The following TRPC6 variants were observed in gnomAD, a reference collection of about 807,000 sequenced individuals.
The protein encoded by TRPC6 is transient receptor potential cation channel subfamily C member 6, also known as short transient receptor potential channel 6.
Under a neutral mutation model 90.7 loss-of-function variants are expected in TRPC6, and 55 were observed. That is an observed-to-expected ratio of 0.61 (90% CI 0.49 to 0.76). The LOEUF is 0.76. TRPC6 is among the 30% of genes least tolerant of loss of function. The pLI, the probability that TRPC6 is intolerant of heterozygous loss-of-function variation, is 0.00. For missense variants in TRPC6, 989 were observed against 1,122.7 expected, an observed-to-expected ratio of 0.88 and a Z score of 1.70; for synonymous variants, 393 against 393.0, an observed-to-expected ratio of 1.00 and a Z score of 0.00.
At chr11:101,494,758 C>T (rs1859905548) in intron 2 of TRPC6, among the ~76,000 whole-genome samples, 1 of 152,056 alleles carries the variant, frequency 6.6e-6, no homozygotes, top group South Asian at 2.1e-4. Flanking sequence ...TATTTAATAA[C>T]CTTAATCTAT....
At chr11:101,564,745 G>A (rs1356947872) in intron 1 of TRPC6, among the ~76,000 whole-genome samples, 1 of 151,962 alleles carries the variant, frequency 6.6e-6, no homozygotes, top group Admixed American at 6.6e-5. Context: ...AACAACAAGA[G>A]AATCCAAACA....
intron 4 of TRPC6, among the ~76,000 whole-genome samples, chr11:101,487,739 G>A (rs1172232967): frequency 6.6e-6 from 1 of 152,024 alleles, no homozygotes; most frequent in African/African-American, 2.4e-5. Flanking sequence ...ATGAATCTGA[G>A]ATACCAAATT....
At position 101,583,836 on chromosome 11, in the gene TRPC6, C is replaced by G. The variant is rs1414771022; in HGVS notation, c.-333G>C. The G allele has an allele frequency of 3.5e-6, 1 of 287,990 alleles. No individual in the cohort carries two copies. Among genetic ancestry groups the G allele is most frequent in the African/African-American group, 2.2e-5 (1 of 45,946 alleles). The allele number at this position is 287,990 out of a possible 1,614,324, so 17.8% of individuals were successfully genotyped here. On this transcript the variant is annotated 5_prime_UTR_variant, in exon 1 of 13. Transcript: ENST00000344327. ...GGTAGCGAAGCGTAAGAGCGGAGAG[C>G]AAGGGAGACGGAGCTGAAGAGTTAC...
intron 1 of TRPC6, among the ~76,000 whole-genome samples, chr11:101,548,268 T>C (rs1861359092): frequency 7.1e-6 from 1 of 140,118 alleles, no homozygotes; most frequent in South Asian, 2.1e-4. Context: ...TATACATATA[T>C]ATATAATTTA....
intron 11 of TRPC6, among the ~76,000 whole-genome samples, chr11:101,454,286 T>A (rs1193057639): frequency 5.3e-5 from 8 of 152,128 alleles, no homozygotes; most frequent in African/African-American, 1.9e-4. Flanking sequence ...GCTCAGAAAG[T>A]CTTGATGGAT....
intron 4 of TRPC6, among the ~76,000 whole-genome samples, 178 bp from the exon 5 acceptor site, chr11:101,483,343 C>T (rs1300424811): frequency 2.0e-5 from 3 of 152,086 alleles, no homozygotes; most frequent in South Asian, 2.1e-4. Flanking sequence ...ATTTTGTTCA[C>T]GTTCCTCACC....
chr11:101,526,390 C>G (rs530626688), intron 1 of TRPC6, among the ~76,000 whole-genome samples: 16 of 152,256 alleles, frequency 1.1e-4, no homozygotes, highest in Non-Finnish European at 2.2e-4. Context: ...ATGCTTTGAA[C>G]TTAAAAAAAT....
chr11:101,481,019 A>C (rs746241193), intron 5 of TRPC6, among the ~76,000 whole-genome samples: 17 of 152,356 alleles, frequency 1.1e-4, no homozygotes, highest in Middle Eastern at 3.4e-3. Context: ...TTTTTCCCTA[A>C]AACATATTCA....
intron 1 of TRPC6, among the ~76,000 whole-genome samples, chr11:101,556,610 G>T (rs1242216149): frequency 6.6e-6 from 1 of 152,114 alleles, no homozygotes; most frequent in East Asian, 1.9e-4. Flanking sequence ...CTTCACAGCT[G>T]AATTCTACCA....
chr11:101,480,415 C>G (rs1488762934), intron 5 of TRPC6, among the ~76,000 whole-genome samples: 1 of 152,108 alleles, frequency 6.6e-6, no homozygotes, highest in Non-Finnish European at 1.5e-5. Context: ...CTCCTCCCTT[C>G]TGATGTGCAG....
chr11:101,463,428 C>T (rs181816036), intron 10 of TRPC6, among the ~76,000 whole-genome samples: 31 of 152,272 alleles, frequency 2.0e-4, no homozygotes, highest in Non-Finnish European at 3.5e-4. Context: ...GGCTATGAAT[C>T]TATCTGGTCC....
intron 1 of TRPC6, among the ~76,000 whole-genome samples, chr11:101,538,493 T>C (rs1266220436): frequency 1.3e-5 from 2 of 152,146 alleles, no homozygotes; most frequent in Admixed American, 6.5e-5. Flanking sequence ...CTGAATGGTC[T>C]CCCAAAGATG....
At position 101,544,880 on chromosome 11, in the gene TRPC6, A is replaced by T. The variant is rs974536970; in HGVS notation, c.170+38454T>A. Reference sequence around the variant, plus strand: ...ATACCCCAGAACTTAAAGTATAATTAAAAAAAATGTTTGTTCAGTGGTCTT... The same window carrying T: ...ATACCCCAGAACTTAAAGTATAATTTAAAAAAATGTTTGTTCAGTGGTCTT... On this transcript the variant is annotated intron_variant, in intron 1 of 12. Coordinates refer to ENST00000344327, the MANE Select transcript of TRPC6 (RefSeq NM_004621.6). Among the ~76,000 whole-genome samples the T allele has an allele frequency of 5.3e-5, 8 of 151,910 alleles. No individual in the cohort carries two copies. In the South Asian group the frequency reaches 6.2e-4, roughly 12 times the overall value.
At position 101,504,378 on chromosome 11, in the gene TRPC6, G is replaced by T; in HGVS notation, c.591C>A (p.Ser197Arg). Residue 197 changes from serine to arginine, a missense_variant, in exon 2 of 13, where the codon AGC becomes AGA. Coordinates refer to ENST00000344327, the MANE Select transcript of TRPC6 (RefSeq NM_004621.6). ...AEGKRLATSPSQSELQQDDFY... is the reference protein window; with the variant it reads ...AEGKRLATSPRQSELQQDDFY... The stretch of plus-strand genomic sequence containing the variant: ...AATCATCTTGCTGGAGTTCAGACTG[G>T]CTAGGGCTGGTTGCTAACCTCTTGC... 1 of 1,614,036 alleles carries T rather than the reference G, an allele frequency of 6.2e-7. No individual in the cohort carries two copies. Among genetic ancestry groups the T allele is most frequent in the Non-Finnish European group, 8.5e-7 (1 of 1,180,008 alleles).
intron 1 of TRPC6, among the ~76,000 whole-genome samples, chr11:101,562,995 G>T (rs1208274460): frequency 6.6e-6 from 1 of 152,174 alleles, no homozygotes; most frequent in Admixed American, 6.5e-5. Flanking sequence ...TCTTCTGCCA[G>T]TAATCTGGAA....
Position 101,452,975 on chromosome 11 carries a change from G to T in TRPC6, c.2776C>A (p.Gln926Lys). ...TCGCATTATCTATTGGTTTCCTCTT[G>T]ATTTGGTTCCATGGATAATTTCTCT... ...LGEKLSMEPN[Q>K]EETNR The change falls in exon 13 of 13, where the codon CAA (glutamine) becomes AAA (lysine). Residue 926 changes from glutamine to lysine, a missense_variant. Coordinates refer to ENST00000344327, the MANE Select transcript of TRPC6 (RefSeq NM_004621.6). 6.2e-7 allele frequency: 1 copy of T among 1,613,860 alleles called. No homozygotes were observed. Among genetic ancestry groups the T allele is most frequent in the Admixed American group, 1.7e-5 (1 of 60,008 alleles).
In TRPC6 at chr11:101,573,921, C is replaced by T. The variant is rs536238883; in HGVS notation, c.170+9413G>A. Among the ~76,000 whole-genome samples the T allele has an allele frequency of 2.9e-4, 38 of 132,064 alleles. 1 individual carries two copies. The highest frequency in any genetic ancestry group is 8.7e-4 in the African/African-American group (30 of 34,644). The allele number at this position is 132,064 out of a possible 152,430, so 86.6% of individuals were successfully genotyped here. A position where few individuals can be genotyped will look rare whatever the true frequency, so the allele number is the denominator to read the frequency against. On this transcript the variant is annotated intron_variant, in intron 1 of 12. Coordinates refer to ENST00000344327, the MANE Select transcript of TRPC6 (RefSeq NM_004621.6). ...TCCTTTCAAGCCTAAGAAACAAATA[C>T]GTGTGTGTGTGTGTGTGTGTGTGTG...
At chr11:101,508,270 A>T (rs1255192935) in intron 1 of TRPC6, among the ~76,000 whole-genome samples, 1 of 152,090 alleles carries the variant, frequency 6.6e-6, no homozygotes, top group Admixed American at 6.6e-5. Flanking sequence ...GATTCTTAGT[A>T]GATATTCTTT....
chr11:101,549,630 G>A (rs1392017921), intron 1 of TRPC6, among the ~76,000 whole-genome samples: 1 of 150,640 alleles, frequency 6.6e-6, no homozygotes, highest in East Asian at 1.9e-4. Flanking sequence ...GTTTAAAATT[G>A]AGAGAAAAAC....
Sources: gnomAD v4.1 joint callset for allele counts (sites outside exome capture counted in the v4.1 genomes callset) on GRCh38, gnomAD v4.1.1 for gene constraint, MANE v1.5 for transcripts, NCBI Gene and HGNC (gene_info 2026-07-23, HGNC 2026-07-21) for gene names.